Variants in ADAMTS18 observed in about 807,000 individuals in gnomAD.
ADAMTS18 encodes A disintegrin and metalloproteinase with thrombospondin motifs 18.
Under a neutral mutation model 165.9 loss-of-function variants are expected in ADAMTS18, and 157 were observed. That is an observed-to-expected ratio of 0.95 (90% CI 0.83 to 1.08). The LOEUF (loss-of-function observed/expected upper bound fraction) is 1.08, where lower values mean the gene tolerates loss of function less well. Ranked by LOEUF, ADAMTS18 falls within the 50% of genes least tolerant of loss-of-function variation. The pLI is 0.00. For missense variants in ADAMTS18, 2,040 were observed against 1,534.0 expected (o/e 1.33, Z -5.51); for synonymous variants, 782 against 578.2 (o/e 1.35, Z -5.06).
chr16:77,400,344 G>A (rs1301111768), intron 3 of ADAMTS18, among the ~76,000 whole-genome samples: 1 of 152,054 alleles, frequency 6.6e-6, no homozygotes, highest in African/African-American at 2.4e-5. Flanking sequence ...ATCCTTTGGG[G>A]ATGGAGTGAG....
intron 10 of ADAMTS18, among the ~76,000 whole-genome samples, chr16:77,351,606 A>T (rs2056557011): frequency 6.6e-6 from 1 of 152,234 alleles, no homozygotes; most frequent in Admixed American, 6.5e-5. Context: ...TAAATAACAT[A>T]ATGAATCCTT....
intron 22 of ADAMTS18, among the ~76,000 whole-genome samples, chr16:77,285,260 C>G (rs1407807456): frequency 1.3e-5 from 2 of 152,160 alleles, no homozygotes; most frequent in Admixed American, 6.5e-5. Context: ...GCATCCTCCG[C>G]CTCATGTATT....
chr16:77,413,477 C>G (rs990800830), intron 3 of ADAMTS18, among the ~76,000 whole-genome samples: 2 of 152,120 alleles, frequency 1.3e-5, no homozygotes, highest in Non-Finnish European at 2.9e-5. Flanking sequence ...AGTAGAAATA[C>G]AGGTTAACTA....
At chr16:77,388,894 G>A (rs1278174701) in intron 3 of ADAMTS18, among the ~76,000 whole-genome samples, 4 of 152,192 alleles carry the variant, frequency 2.6e-5, no homozygotes, top group African/African-American at 9.7e-5. Flanking sequence ...AATGACTAAT[G>A]TCCAAATGGT....
At chr16:77,411,837 C>G (rs1238344257) in intron 3 of ADAMTS18, among the ~76,000 whole-genome samples, 1 of 151,702 alleles carries the variant, frequency 6.6e-6, no homozygotes, top group Admixed American at 6.6e-5. Flanking sequence ...TAGGTGCCCA[C>G]CACCAAGCCC....
intron 4 of ADAMTS18, among the ~76,000 whole-genome samples, 164 bp downstream of exon 4, chr16:77,367,277 G>C (rs1240191568): frequency 6.6e-6 from 1 of 152,154 alleles, no homozygotes; most frequent in Admixed American, 6.5e-5. Context: ...TAGAATAATT[G>C]ATCATCCAGC....
At chr16:77,344,525 A>G (rs2056447286) in intron 10 of ADAMTS18, among the ~76,000 whole-genome samples, 1 of 152,114 alleles carries the variant, frequency 6.6e-6, no homozygotes, top group Admixed American at 6.6e-5. Flanking sequence ...GATAGCACTG[A>G]AATGATTAAA....
intron 2 of ADAMTS18, chr16:77,432,354 G>A (rs961414064): frequency 1.7e-4 from 26 of 152,230 alleles, no homozygotes; most frequent in East Asian, 3.8e-4. Flanking sequence ...AAATTGCTCA[G>A]GCATGTTGGT....
At chr16:77,431,025 T>C (rs536530429) in intron 3 of ADAMTS18, among the ~76,000 whole-genome samples, 10 of 152,228 alleles carry the variant, frequency 6.6e-5, no homozygotes, top group Non-Finnish European at 1.3e-4. Context: ...ATCAAGTTAA[T>C]TTCCTTGGGG....
intron 3 of ADAMTS18, among the ~76,000 whole-genome samples, chr16:77,416,826 A>G (rs2057536779): frequency 6.6e-6 from 1 of 152,192 alleles, no homozygotes; most frequent in African/African-American, 2.4e-5. Context: ...AAGAGTCATT[A>G]GAGAAGAAGC....
intron 10 of ADAMTS18, among the ~76,000 whole-genome samples, chr16:77,342,997 C>G (rs2056421690): frequency 6.6e-6 from 1 of 151,734 alleles, no homozygotes; most frequent in Admixed American, 6.6e-5. Flanking sequence ...CTTCCAGAAG[C>G]TGAAAAAGGC....
rs889705 is a variant in ADAMTS18, at chr16:77,283,500, C to G, written c.*456G>C. On this transcript the variant is annotated 3_prime_UTR_variant, in exon 23 of 23. Coordinates refer to ENST00000282849, the MANE Select transcript of ADAMTS18 (RefSeq NM_199355.4). ...TGGCTTGGGTGTTCACAGGGTTAGTCGAACTGTGAACTCCACGCAACAGTT... is the reference window on the plus strand; with the variant it reads ...TGGCTTGGGTGTTCACAGGGTTAGTGGAACTGTGAACTCCACGCAACAGTT... 0.15 allele frequency: 28,037 copies of G among 181,224 alleles called. 2,499 individuals carry two copies. Among genetic ancestry groups the G allele is most frequent in the African/African-American group, 0.24 (10,209 of 41,752 alleles). 11.2% of individuals were successfully genotyped at this position (181,224 alleles called of 1,614,324 possible). A position where few individuals can be genotyped will look rare whatever the true frequency, so the allele number is the denominator to read the frequency against.
intron 4 of ADAMTS18, among the ~76,000 whole-genome samples, chr16:77,366,418 C>A (rs2056794665): frequency 6.6e-6 from 1 of 151,974 alleles, no homozygotes; most frequent in Non-Finnish European, 1.5e-5. Context: ...ATTAGCTTGG[C>A]GTGCTGGCGT....
intron 12 of ADAMTS18, among the ~76,000 whole-genome samples, chr16:77,329,325 A>C (rs1045416435): frequency 6.6e-6 from 1 of 151,588 alleles, no homozygotes; most frequent in African/African-American, 2.4e-5. Context: ...CTGGTCTCAA[A>C]CTCCTGGCCT....
At position 77,396,699 on chromosome 16, in the gene ADAMTS18, C is replaced by T. The variant is rs61471382; in HGVS notation, c.496-28976G>A. On this transcript the variant is annotated intron_variant, in intron 3 of 22. Coordinates refer to ENST00000282849, the MANE Select transcript of ADAMTS18 (RefSeq NM_199355.4). ...AAGATATGGAGATTGTTTTGTAAAA[C>T]ACAGAGACCAGGTGAATTCCAAAAA... is the stretch of plus-strand genomic sequence containing the variant. Among the ~76,000 whole-genome samples the T allele has an allele frequency of 6.8e-3, 1,042 of 152,152 alleles. 15 individuals are homozygous for T. The highest frequency in any genetic ancestry group is 0.024 in the African/African-American group (1,007 of 41,500).
intron 10 of ADAMTS18, among the ~76,000 whole-genome samples, chr16:77,349,057 G>A (rs1170088574): frequency 6.6e-6 from 1 of 152,112 alleles, no homozygotes; most frequent in African/African-American, 2.4e-5. Flanking sequence ...CAGTAAACTT[G>A]GTATGTTACA....
At chr16:77,334,743 A>T (rs1253160152) in intron 12 of ADAMTS18, among the ~76,000 whole-genome samples, 8 of 114,388 alleles carry the variant, frequency 7.0e-5, no homozygotes, top group South Asian at 4.9e-4. Context: ...TATAGTATAT[A>T]TACTGTATAC....
intron 11 of ADAMTS18, among the ~76,000 whole-genome samples, chr16:77,340,522 A>G (rs933574292): frequency 1.3e-5 from 2 of 151,954 alleles, no homozygotes; most frequent in African/African-American, 4.8e-5. Flanking sequence ...ATTTATCTCT[A>G]CATCCCCAGA....
intron 16 of ADAMTS18, among the ~76,000 whole-genome samples, chr16:77,308,079 C>T (rs774878357): frequency 3.3e-5 from 5 of 152,118 alleles, no homozygotes; most frequent in African/African-American, 4.8e-5. Flanking sequence ...AGGCTGCTGT[C>T]GTTTTCAGCT....
Sources: gnomAD v4.1 joint callset for allele counts (sites outside exome capture counted in the v4.1 genomes callset) on GRCh38, gnomAD v4.1.1 for gene constraint, MANE v1.5 for transcripts, NCBI Gene and HGNC (gene_info 2026-07-23, HGNC 2026-07-21) for gene names.